The following CNTN5 variants were observed in gnomAD, a reference collection of about 807,000 sequenced individuals.
The protein encoded by CNTN5 is contactin-5.
CNTN5 carries 77 observed loss-of-function variants against 129.1 expected under a neutral mutation model. That is an observed-to-expected ratio of 0.60 (90% confidence interval 0.50 to 0.72). The LOEUF (loss-of-function observed/expected upper bound fraction) is 0.72, where lower values mean the gene tolerates loss of function less well. CNTN5 is among the 30% of genes least tolerant of loss of function. The pLI, the probability that CNTN5 is intolerant of heterozygous loss-of-function variation, is 0.00. For missense variants in CNTN5, 1,478 were observed against 1,328.8 expected, an observed-to-expected ratio of 1.11 and a Z score of -1.75; for synonymous variants, 509 against 465.6, an observed-to-expected ratio of 1.09 and a Z score of -1.20.
At chr11:99,612,390 A>T (rs1277305480) in intron 3 of CNTN5, among the ~76,000 whole-genome samples, 1 of 152,182 alleles carries the variant, frequency 6.6e-6, no homozygotes, top group Non-Finnish European at 1.5e-5. Context: ...CTCTGACCCC[A>T]TCTTCCTCTT....
At chr11:100,091,580 C>A (rs899969379) in intron 13 of CNTN5, among the ~76,000 whole-genome samples, 5 of 151,740 alleles carry the variant, frequency 3.3e-5, no homozygotes, top group Non-Finnish European at 7.4e-5. Flanking sequence ...AGGTGCCCAC[C>A]ACCATGCCCA....
intron 15 of CNTN5, among the ~76,000 whole-genome samples, chr11:100,214,336 G>A (rs1441633165): frequency 1.3e-5 from 2 of 152,112 alleles, no homozygotes; most frequent in Admixed American, 6.5e-5. Flanking sequence ...GGGGCATTAG[G>A]AGCAAAATGG....
chr11:99,066,471 C>A (rs535510375), intron 1 of CNTN5, among the ~76,000 whole-genome samples: 16 of 152,106 alleles, frequency 1.1e-4, no homozygotes, highest in African/African-American at 3.9e-4. Context: ...GAGGGTATGG[C>A]CAAACAGACA....
chr11:99,519,125 G>A (rs541390676), intron 2 of CNTN5, among the ~76,000 whole-genome samples: 14 of 151,896 alleles, frequency 9.2e-5, no homozygotes, highest in South Asian at 6.2e-4. Flanking sequence ...AATCAAACTC[G>A]TCTTTTTTTC....
chr11:99,430,072 A>C (rs1380189780), intron 2 of CNTN5, among the ~76,000 whole-genome samples: 3 of 152,186 alleles, frequency 2.0e-5, no homozygotes, highest in South Asian at 4.1e-4. Context: ...CAGAGAAAGC[A>C]GAAGACCTCA....
At chr11:99,302,694 A>C (rs1864697136) in intron 1 of CNTN5, among the ~76,000 whole-genome samples, 1 of 151,744 alleles carries the variant, frequency 6.6e-6, no homozygotes, top group Non-Finnish European at 1.5e-5. Flanking sequence ...TGCAAGCCTT[A>C]ATACATTGAA....
intron 1 of CNTN5, among the ~76,000 whole-genome samples, chr11:99,188,835 A>G (rs929011051): frequency 2.0e-5 from 3 of 151,808 alleles, no homozygotes; most frequent in Non-Finnish European, 4.4e-5. Flanking sequence ...GCATTAACAG[A>G]CATACTTCTA....
At chr11:99,969,438 T>TAA (rs1409408216) in intron 8 of CNTN5, among the ~76,000 whole-genome samples, 1 of 152,292 alleles carries the variant, frequency 6.6e-6, no homozygotes, top group South Asian at 2.1e-4. Context: ...TATATTCACT[T>TAA]ACGTTTATCT....
intron 1 of CNTN5, among the ~76,000 whole-genome samples, chr11:99,241,884 C>T (rs1861578083): frequency 6.6e-6 from 1 of 152,050 alleles, no homozygotes; most frequent in Non-Finnish European, 1.5e-5. Flanking sequence ...TTACATAGTC[C>T]TCCAATATAT....
chr11:99,701,000 G>C (rs563404820), intron 3 of CNTN5, among the ~76,000 whole-genome samples: 85 of 151,262 alleles, frequency 5.6e-4, no homozygotes, highest in African/African-American at 2.1e-3. Context: ...GAAAATAAAA[G>C]TTTTCATTAC....
chr11:99,609,216 A>G (rs1221276326), intron 3 of CNTN5, among the ~76,000 whole-genome samples: 1 of 150,914 alleles, frequency 6.6e-6, no homozygotes, highest in Non-Finnish European at 1.5e-5. Context: ...TTGTGTTACA[A>G]TACTGATGTC....
chr11:99,504,913 GA>G (rs759520086), intron 2 of CNTN5, among the ~76,000 whole-genome samples: 11 of 152,082 alleles, frequency 7.2e-5, no homozygotes, highest in Non-Finnish European at 1.3e-4. Flanking sequence ...AATTCTAAGT[GA>G]AAAAGGAAAG....
chr11:99,941,587 A>ACACACACACAC (rs1565701690), intron 7 of CNTN5, among the ~76,000 whole-genome samples: 1 of 64,380 alleles, frequency 1.6e-5, no homozygotes, highest in Non-Finnish European at 3.9e-5. Flanking sequence ...CACACACACA[A>ACACACACACAC]AGAGAAAGAG....
At chr11:99,291,314 G>C (rs1284150487) in intron 1 of CNTN5, among the ~76,000 whole-genome samples, 1 of 151,608 alleles carries the variant, frequency 6.6e-6, no homozygotes, top group African/African-American at 2.4e-5. Flanking sequence ...TATCAAGGAT[G>C]GTATTTTTGC....
intron 3 of CNTN5, among the ~76,000 whole-genome samples, chr11:99,723,248 C>T (rs1943231011): frequency 6.6e-6 from 1 of 152,154 alleles, no homozygotes; most frequent in Non-Finnish European, 1.5e-5. Flanking sequence ...TCCACATTAG[C>T]CAAACTTGTA....
At chr11:99,375,708 TC>T (rs1397791952) in intron 2 of CNTN5, among the ~76,000 whole-genome samples, 2 of 152,168 alleles carry the variant, frequency 1.3e-5, no homozygotes, top group Non-Finnish European at 2.9e-5. Context: ...CCCTGTTTTC[TC>T]CCTCCAGTAG....
intron 3 of CNTN5, among the ~76,000 whole-genome samples, chr11:99,633,859 T>C (rs1250507831): frequency 1.3e-5 from 2 of 152,156 alleles, no homozygotes; most frequent in African/African-American, 4.8e-5. Context: ...AAAATGCACA[T>C]AGGCCTGGAA....
intron 3 of CNTN5, among the ~76,000 whole-genome samples, chr11:99,658,718 A>AAATATAT (rs1555067255): frequency 3.2e-5 from 4 of 124,020 alleles, no homozygotes; most frequent in African/African-American, 8.4e-5. Context: ...CTAAAAAAAA[A>AAATATAT]ATATATATAT....
chr11:99,290,191 C>A (rs1014275562), intron 1 of CNTN5, among the ~76,000 whole-genome samples: 2 of 151,652 alleles, frequency 1.3e-5, no homozygotes, highest in Admixed American at 1.3e-4. Context: ...GTTCATGTAA[C>A]CCTCACAAAA....
Sources: allele counts gnomAD v4.1 joint callset (sites outside exome capture counted in the v4.1 genomes callset), GRCh38; gene constraint gnomAD v4.1.1; transcripts MANE v1.5; gene names NCBI Gene and HGNC (gene_info 2026-07-23, HGNC 2026-07-21).